The following ARID1B variants were observed in gnomAD, a reference collection of about 807,000 sequenced individuals.
The protein encoded by ARID1B is AT-rich interaction domain 1B, also known as AT-rich interactive domain-containing protein 1B.
Under a neutral mutation model 212.3 loss-of-function variants are expected in ARID1B, and 30 were observed. The observed-to-expected ratio is 0.14, with a 90% CI of 0.11 to 0.19. The LOEUF (loss-of-function observed/expected upper bound fraction) is 0.19. ARID1B is among the 10% of genes least tolerant of loss of function. The pLI is 1.00. For synonymous variants in ARID1B, 1,402 were observed against 1,301.7 expected (o/e 1.08, Z -1.66); for missense variants, 2,891 against 3,204.0 (o/e 0.90, Z 2.36).
chr6:157,023,345 C>A (rs1583167376), intron 4 of ARID1B: 1 of 152,204 alleles, frequency 6.6e-6, no homozygotes, highest in Admixed American at 6.5e-5. Flanking sequence ...TAAATTGATG[C>A]AGGTCAGTGA....
At chr6:156,918,321 A>T (rs1276375559) in intron 3 of ARID1B, among the ~76,000 whole-genome samples, 1 of 152,172 alleles carries the variant, frequency 6.6e-6, no homozygotes, top group African/African-American at 2.4e-5. Context: ...TTATAAGCCA[A>T]TCCTGCAGAT....
At chr6:157,180,231 A>G (rs553527010) in intron 11 of ARID1B, among the ~76,000 whole-genome samples, 1 of 152,176 alleles carries the variant, frequency 6.6e-6, no homozygotes, top group Admixed American at 6.5e-5. Context: ...TTTTAGTGTC[A>G]GGTAAAAGCA....
intron 4 of ARID1B, among the ~76,000 whole-genome samples, chr6:156,960,513 G>T (rs1371152093): frequency 6.6e-6 from 1 of 152,090 alleles, no homozygotes; most frequent in East Asian, 1.9e-4. Flanking sequence ...GGCCTTAAAA[G>T]TACTATTTTT....
chr6:156,786,086 C>A (rs1011968543), intron 1 of ARID1B, among the ~76,000 whole-genome samples: 2 of 152,166 alleles, frequency 1.3e-5, no homozygotes, highest in Admixed American at 6.5e-5. Flanking sequence ...TGAACTGTTA[C>A]CATTCTCACT....
At chr6:156,988,992 A>G (rs141638885) in intron 4 of ARID1B, among the ~76,000 whole-genome samples, 33 of 152,308 alleles carry the variant, frequency 2.2e-4, no homozygotes, top group African/African-American at 7.7e-4. Context: ...CCATGGCCAC[A>G]TTAAGGCCAT....
chr6:156,965,891 CTT>C (rs887259115), intron 4 of ARID1B, among the ~76,000 whole-genome samples: 19 of 152,196 alleles, frequency 1.2e-4, no homozygotes, highest in African/African-American at 4.3e-4. Flanking sequence ...GAAATTTTGT[CTT>C]TAAGTTGTGG....
intron 4 of ARID1B, among the ~76,000 whole-genome samples, chr6:157,032,558 G>A (rs1442193539): frequency 1.3e-5 from 2 of 152,140 alleles, no homozygotes; most frequent in African/African-American, 2.4e-5. Context: ...CACCATAGAT[G>A]TTGAGAAACC....
At chr6:156,909,266 C>T (rs1402826584) in intron 3 of ARID1B, among the ~76,000 whole-genome samples, 1 of 151,662 alleles carries the variant, frequency 6.6e-6, no homozygotes, top group Non-Finnish European at 1.5e-5. Context: ...GCTGGGATTA[C>T]AGGCGTGCAC....
At chr6:157,058,997 A>T (rs985752079) in intron 4 of ARID1B, among the ~76,000 whole-genome samples, 3 of 151,962 alleles carry the variant, frequency 2.0e-5, no homozygotes, top group South Asian at 2.1e-4. Context: ...AGGCCCCAAA[A>T]CACCTTGCCT....
intron 4 of ARID1B, among the ~76,000 whole-genome samples, chr6:156,971,837 T>G (rs762743932): frequency 5.3e-5 from 8 of 152,210 alleles, no homozygotes; most frequent in Admixed American, 3.3e-4. Flanking sequence ...GATAATTTCC[T>G]TTTCGATTAA....
intron 5 of ARID1B, among the ~76,000 whole-genome samples, chr6:157,087,611 A>G (rs1444512894): frequency 6.6e-6 from 1 of 152,230 alleles, no homozygotes; most frequent in Non-Finnish European, 1.5e-5. Flanking sequence ...ATTACTGTTC[A>G]GAGTTGTACA....
At chr6:156,897,134 C>G (rs1322914936) in intron 2 of ARID1B, among the ~76,000 whole-genome samples, 1 of 151,864 alleles carries the variant, frequency 6.6e-6, no homozygotes, top group East Asian at 1.9e-4. Flanking sequence ...GTGTTCATGT[C>G]TTAAAGGTCT....
chr6:156,898,916 A>G (rs1291007685), intron 2 of ARID1B, among the ~76,000 whole-genome samples: 3 of 152,188 alleles, frequency 2.0e-5, no homozygotes, highest in Non-Finnish European at 4.4e-5. Context: ...GGTTGTGGCG[A>G]GCCAAGATCG....
At position 157,206,761 on chromosome 6, in the gene ARID1B, A is replaced by G. The variant is rs753341293; in HGVS notation, c.5989A>G (p.Ile1997Val). 1.9e-6 allele frequency: 3 copies of G among 1,613,588 alleles called. No individual in the cohort carries two copies. Among genetic ancestry groups the G allele is most frequent in the Non-Finnish European group, 2.5e-6 (3 of 1,180,030 alleles). ...DSEEQQEKSI[I>V]ATIDDVLSAR... ...TGAAGAGCAGCAAGAGAAAAGCATC[A>G]TAGCAACCATCGATGACGTCCTCTC... The change falls in exon 20 of 20, where the codon ATA becomes GTA. Residue 1997 changes from isoleucine to valine, a missense_variant. Transcript: ENST00000636930. This position sits in a 1 kb window ranked among gnomAD's most constrained non-coding sequence, Gnocchi z 6.8.
chr6:156,778,530 G>A lies in ARID1B; in HGVS notation c.850G>A (p.Glu284Lys), dbSNP rs1778859663. The A allele has an allele frequency of 1.6e-6, 2 of 1,231,726 alleles. No individual in the cohort carries two copies. Among genetic ancestry groups the A allele is most frequent in the Non-Finnish European group, 2.0e-6 (2 of 990,298 alleles). 76.3% of individuals were successfully genotyped at this position (1,231,726 alleles called of 1,614,324 possible). A position where few individuals can be genotyped will look rare whatever the true frequency, so the allele number is the denominator to read the frequency against. The change falls in exon 1 of 20, where the codon GAG becomes AAG. Residue 284 changes from glutamate (E) to lysine (K), a missense_variant. By Grantham distance (56) the Glu-to-Lys change is moderately conservative. Coordinates refer to ENST00000636930, the MANE Select transcript of ARID1B (RefSeq NM_001374828.1). ...GGGGGAGCCGGCGGGCGGCCGCTAC[G>A]AGCACCCGGGCTTGGGCGCCCTGGG... Reference protein sequence around the residue: ...KMGEPAGGRYEHPGLGALGTQ... With the variant: ...KMGEPAGGRYKHPGLGALGTQ...
intron 3 of ARID1B, among the ~76,000 whole-genome samples, chr6:156,929,809 T>G (rs1028318556): frequency 6.6e-6 from 1 of 152,136 alleles, no homozygotes; most frequent in Non-Finnish European, 1.5e-5. Context: ...CTCACTGACC[T>G]CTTACTAGGT....
Position 156,778,737 on chromosome 6 carries a change from TCCG to T in ARID1B, c.1070_1072del (p.Ala357del), listed in dbSNP as rs766956053. 5.1e-4 allele frequency: 775 copies of T among 1,506,612 alleles called. No individual in the cohort carries two copies. Among genetic ancestry groups the T allele is most frequent in the East Asian group, 1.9e-3 (70 of 36,956 alleles). 93.3% of individuals were successfully genotyped at this position (1,506,612 alleles called of 1,614,324 possible). On this transcript the variant is annotated inframe_deletion, in exon 1 of 20. Transcript: ENST00000636930. ...CGGGATGGGGATGATGCACTCCGCC[TCCG>T]CCGCCGCCGCCGGGGCCCCCGGCAG...
At chr6:156,816,479 CAT>C (rs1781971381) in intron 1 of ARID1B, among the ~76,000 whole-genome samples, 2 of 152,152 alleles carry the variant, frequency 1.3e-5, no homozygotes, top group African/African-American at 4.8e-5. Context: ...GAGGAAAAAA[CAT>C]ATCTGGCCTT....
chr6:157,091,833 C>T (rs1049851914), intron 5 of ARID1B, among the ~76,000 whole-genome samples: 3 of 152,200 alleles, frequency 2.0e-5, no homozygotes, highest in African/African-American at 7.2e-5. Context: ...AGTGTCGTTT[C>T]GTGATGACAT....
Sources: gnomAD v4.1 joint callset for allele counts (sites outside exome capture counted in the v4.1 genomes callset) on GRCh38, gnomAD v4.1.1 for gene constraint, Gnocchi (gnomAD v3.1) non-coding constraint, MANE v1.5 for transcripts, NCBI Gene and HGNC (gene_info 2026-07-23, HGNC 2026-07-21) for gene names.